MPPED1: variants seen among roughly 807,000 people sequenced by gnomAD.
The protein encoded by MPPED1 is metallophosphoesterase domain-containing protein 1.
Under a neutral mutation model 36.2 loss-of-function variants are expected in MPPED1, and 16 were observed. The observed-to-expected ratio is 0.44, with a 90% confidence interval of 0.30 to 0.67. The LOEUF is 0.67. MPPED1 is among the 30% of genes least tolerant of loss of function. MPPED1 has a pLI of 0.10. For missense variants in MPPED1, 307 were observed against 453.4 expected, an observed-to-expected ratio of 0.68 and a Z score of 2.93; for synonymous variants, 199 against 191.3, an observed-to-expected ratio of 1.04 and a Z score of -0.33.
In MPPED1 at chr22:43,414,419, G is replaced by A. The variant is rs1026805279; in HGVS notation, c.-79+2261G>A. 9.2e-5 allele frequency among the ~76,000 whole-genome samples: 14 copies of A among 152,120 alleles called. No individual in the cohort carries two copies. In the East Asian group the frequency reaches 1.9e-3, roughly 21 times the overall value. ...GGAGAAAAATCAGCATTCTGGGTGC[G>A]GGTCTGGACTTCTGGAAAAAAAGAA... On this transcript the variant is annotated intron_variant, in intron 1 of 6. Coordinates refer to ENST00000443721, the MANE Select transcript of MPPED1 (RefSeq NM_001044370.2).
chr22:43,477,656 G>A (rs929926878), intron 4 of MPPED1, among the ~76,000 whole-genome samples: 10 of 152,194 alleles, frequency 6.6e-5, no homozygotes, highest in Non-Finnish European at 1.3e-4. Context: ...GGAGGTGCAG[G>A]GCTGTCTCAT....
intron 2 of MPPED1, among the ~76,000 whole-genome samples, chr22:43,431,158 C>T (rs1025662770): frequency 1.3e-5 from 2 of 149,878 alleles, no homozygotes; most frequent in East Asian, 4.0e-4. Flanking sequence ...TCTCCTGTCT[C>T]AGCCTCCATA....
At chr22:43,420,764 G>T (rs1307933290) in intron 1 of MPPED1, among the ~76,000 whole-genome samples, 1 of 152,112 alleles carries the variant, frequency 6.6e-6, no homozygotes, top group African/African-American at 2.4e-5. Flanking sequence ...TCTTTTTCCA[G>T]GTACTGATTA....
At chr22:43,444,098 G>A (rs1466476650) in intron 3 of MPPED1, among the ~76,000 whole-genome samples, 1 of 152,138 alleles carries the variant, frequency 6.6e-6, no homozygotes, top group Admixed American at 6.5e-5. Flanking sequence ...GGGCTAAAAG[G>A]AAGAAAATTA....
intron 1 of MPPED1, among the ~76,000 whole-genome samples, chr22:43,413,723 T>C (rs1189576511): frequency 6.6e-6 from 1 of 152,196 alleles, no homozygotes; most frequent in African/African-American, 2.4e-5. Context: ...ACTTGTAAAA[T>C]CTTTTTCTGG....
chr22:43,419,912 G>A (rs1929205680), intron 1 of MPPED1, among the ~76,000 whole-genome samples: 1 of 152,032 alleles, frequency 6.6e-6, no homozygotes, highest in Non-Finnish European at 1.5e-5. Context: ...CAGTACCCAA[G>A]GAACAACAAA....
At chr22:43,456,225 T>C (rs550610556) in intron 3 of MPPED1, among the ~76,000 whole-genome samples, 1 of 152,382 alleles carries the variant, frequency 6.6e-6, no homozygotes, top group East Asian at 1.9e-4. Context: ...GTGACCAATC[T>C]TAGGAGGAAG....
At chr22:43,480,365 C>T (rs1931711433) in intron 4 of MPPED1, among the ~76,000 whole-genome samples, 1 of 152,184 alleles carries the variant, frequency 6.6e-6, no homozygotes, top group Non-Finnish European at 1.5e-5. Context: ...CGCATGTTCT[C>T]ATTCAGTCCT....
In MPPED1 at chr22:43,482,073, G is replaced by A. The variant is rs891830411; in HGVS notation, c.632+7112G>A. On this transcript the variant is annotated intron_variant, in intron 4 of 6. Coordinates refer to ENST00000443721, the MANE Select transcript of MPPED1 (RefSeq NM_001044370.2). ...TGAGAGCAGCTTAGCGGAAGGGGGCGGGAACCAACTGCAGGAGAAGAGGAA... is the reference window on the plus strand; with the variant it reads ...TGAGAGCAGCTTAGCGGAAGGGGGCAGGAACCAACTGCAGGAGAAGAGGAA... Among the ~76,000 whole-genome samples, 8 of 152,168 alleles carry A rather than the reference G, an allele frequency of 5.3e-5. No individual in the cohort carries two copies. In the Middle Eastern group the frequency reaches 0.014, roughly 259 times the overall value.
intron 1 of MPPED1, chr22:43,416,969 A>G (rs1929097293): frequency 1.0e-6 from 1 of 985,366 alleles, no homozygotes; most frequent in Non-Finnish European, 1.2e-6. Context: ...AGCTAAAATT[A>G]AAGGAATAAG....
intron 1 of MPPED1, 35 bp downstream of exon 1, chr22:43,412,193 G>A (rs1342577375): frequency 3.1e-6 from 3 of 973,132 alleles, no homozygotes; most frequent in South Asian, 4.6e-5. Flanking sequence ...CGGCGGGCGC[G>A]GGCGGGAGGC....
intron 3 of MPPED1, among the ~76,000 whole-genome samples, chr22:43,444,091 C>A (rs983899519): frequency 2.0e-5 from 3 of 151,936 alleles, no homozygotes; most frequent in Admixed American, 6.6e-5. Flanking sequence ...GTTGTAGGGG[C>A]TAAAAGGAAG....
At chr22:43,475,120 C>T (rs554372994) in intron 4 of MPPED1, among the ~76,000 whole-genome samples, 159 bp downstream of exon 4, 25 of 152,208 alleles carry the variant, frequency 1.6e-4, no homozygotes, top group East Asian at 3.9e-4. Context: ...GGCAGGTCAC[C>T]GCTGCTCTCT....
intron 3 of MPPED1, among the ~76,000 whole-genome samples, chr22:43,465,036 G>T (rs1050642545): frequency 1.3e-5 from 2 of 152,204 alleles, no homozygotes; most frequent in East Asian, 3.9e-4. Flanking sequence ...CTGCCTGGAG[G>T]GTCTCAGAGA....
chr22:43,477,017 G>A (rs1018137142), intron 4 of MPPED1, among the ~76,000 whole-genome samples: 2 of 152,184 alleles, frequency 1.3e-5, no homozygotes, highest in Non-Finnish European at 2.9e-5. Flanking sequence ...ACAGAGAAGG[G>A]AACTCGAGCC....
chr22:43,423,444 T>G (rs1929347739), intron 1 of MPPED1, among the ~76,000 whole-genome samples: 1 of 152,108 alleles, frequency 6.6e-6, no homozygotes, highest in South Asian at 2.1e-4. Context: ...GACAAAACAA[T>G]GGCGCAAGTG....
At chr22:43,440,475 A>C (rs887716501) in intron 3 of MPPED1, among the ~76,000 whole-genome samples, 3 of 152,162 alleles carry the variant, frequency 2.0e-5, no homozygotes, top group Non-Finnish European at 4.4e-5. Flanking sequence ...TGCCCTACAG[A>C]GGCAGCCACT....
At chr22:43,488,084 C>T (rs977312505) in intron 4 of MPPED1, among the ~76,000 whole-genome samples, 1 of 152,134 alleles carries the variant, frequency 6.6e-6, no homozygotes, top group Non-Finnish European at 1.5e-5. Flanking sequence ...TGGCAGCTGC[C>T]TCTCTTGGGG....
intron 3 of MPPED1, among the ~76,000 whole-genome samples, chr22:43,459,325 T>A (rs1028642292): frequency 7.2e-5 from 11 of 152,220 alleles, no homozygotes; most frequent in African/African-American, 2.7e-4. Flanking sequence ...TGGCTTCAAG[T>A]AATCCACTCA....
Sources: gnomAD v4.1 joint callset for allele counts (sites outside exome capture counted in the v4.1 genomes callset) on GRCh38, gnomAD v4.1.1 for gene constraint, MANE v1.5 for transcripts, NCBI Gene and HGNC (gene_info 2026-07-23, HGNC 2026-07-21) for gene names.